Variants in ZC3HC1 observed in about 807,000 individuals in gnomAD.
The protein encoded by ZC3HC1 is zinc finger C3HC-type containing 1.
A neutral mutation model predicts 61.9 loss-of-function variants in ZC3HC1; 38 were observed. That is an observed-to-expected ratio of 0.61 (90% CI 0.47 to 0.81). ZC3HC1 has a LOEUF of 0.81. Ranked by LOEUF, ZC3HC1 falls within the 30% of genes least tolerant of loss-of-function variation. ZC3HC1 has a pLI of 0.00. For missense variants in ZC3HC1, 554 were observed against 622.7 expected, an observed-to-expected ratio of 0.89 and a Z score of 1.17; for synonymous variants, 213 against 229.9, an observed-to-expected ratio of 0.93 and a Z score of 0.67.
chr7:130,049,964 T>C (rs1584601770), intron 1 of ZC3HC1, among the ~76,000 whole-genome samples: 1 of 150,036 alleles, frequency 6.7e-6, no homozygotes, highest in Non-Finnish European at 1.5e-5. Flanking sequence ...GAATCAAAGA[T>C]CTTCGGGAGA....
At chr7:130,041,154 A>T (rs112881994) in intron 2 of ZC3HC1, 53 bp from the exon 3 acceptor site, 1 of 1,206,984 alleles carries the variant, frequency 8.3e-7, no homozygotes, top group Non-Finnish European at 1.1e-6. Flanking sequence ...ATGTGTGTGT[A>T]TGTGTGTGTG....
At chr7:130,043,328 A>G (rs1172437734) in intron 2 of ZC3HC1, 2 of 152,496 alleles carry the variant, frequency 1.3e-5, no homozygotes, top group Non-Finnish European at 2.9e-5. Flanking sequence ...ACAGTAAAAA[A>G]AAAAGGATAA....
intron 5 of ZC3HC1, among the ~76,000 whole-genome samples, chr7:130,027,891 G>A (rs1307375162): frequency 3.3e-5 from 5 of 151,848 alleles, no homozygotes; most frequent in Admixed American, 1.3e-4. Context: ...AATGATGGCC[G>A]GGTGTGGTGG....
chr7:130,034,175 C>CTT (rs769356635), intron 4 of ZC3HC1, among the ~76,000 whole-genome samples: 9 of 139,838 alleles, frequency 6.4e-5, no homozygotes, highest in East Asian at 2.0e-4. Context: ...CTTTCATTTC[C>CTT]TTTTTTTTTT....
At chr7:130,031,842 T>C (rs2116707598) in intron 4 of ZC3HC1, among the ~76,000 whole-genome samples, 1 of 152,086 alleles carries the variant, frequency 6.6e-6, no homozygotes, top group Middle Eastern at 3.4e-3. Context: ...GAAGGTGTGC[T>C]CCCCCCACCA....
Position 130,023,580 on chromosome 7 carries a change from A to G in ZC3HC1, c.1164T>C (p.Pro388=). The change falls in exon 8 of 10, where the codon CCT becomes CCC. Residue 388 remains proline, a synonymous_variant. Coordinates refer to ENST00000358303, the MANE Select transcript of ZC3HC1 (RefSeq NM_016478.5). The surrounding 1 kb of genome is among the most constrained non-coding windows in gnomAD (Gnocchi z 4.2). The part of the protein sequence containing the change: ...VTRSMGTGDT[P]GLEVPSSPLR... ...GAGGGCTAGATGGTACCTCCAGGCC[A>G]GGGGTGTCTCCTGTTCCCATGCTTC... The G allele has an allele frequency of 6.2e-7, 1 of 1,614,122 alleles. No homozygotes were observed. Among genetic ancestry groups the G allele is most frequent in the Non-Finnish European group, 8.5e-7 (1 of 1,180,020 alleles).
intron 4 of ZC3HC1, among the ~76,000 whole-genome samples, chr7:130,035,769 A>C (rs893530350): frequency 1.3e-5 from 2 of 152,164 alleles, no homozygotes; most frequent in African/African-American, 4.8e-5. Flanking sequence ...GGTGTGAGCC[A>C]TCACGCCTCG....
At position 130,023,540 on chromosome 7, in the gene ZC3HC1, G is replaced by A. The variant is rs762917735; in HGVS notation, c.1204C>T (p.Arg402Ter). The A allele has an allele frequency of 1.5e-5, 24 of 1,614,076 alleles. No homozygotes were observed. Among genetic ancestry groups the A allele is most frequent in the Non-Finnish European group, 1.6e-5 (19 of 1,180,050 alleles). Residue 402 changes from arginine (R) to a stop codon, truncating the protein, a stop_gained, in exon 8 of 10, where the codon CGA becomes TGA. Transcript: ENST00000358303. LOFTEE classifies it high-confidence loss of function. The surrounding 1 kb of genome is among the most constrained non-coding windows in gnomAD (Gnocchi z 4.2). The part of the protein sequence containing the change: ...VPSSPLRKAK[R>*]ARLCSSSSSD... ...CTGCTGGAGGAGCAGAGGCGAGCTC[G>A]CTTGGCTTTCCGCAGAGGGCTAGAT... is the stretch of plus-strand genomic sequence containing the variant.
rs1021105196 is a variant in ZC3HC1 at position 130,028,992 on chromosome 7, A to G, written c.531T>C (p.Ile177=). ...AACGATCTAGGAATTCACTAACAAGAATAGCAGGCTCATCCAGGGGCAACA... is the reference window on the plus strand; with the variant it reads ...AACGATCTAGGAATTCACTAACAAGGATAGCAGGCTCATCCAGGGGCAACA... ...FGMLPLDEPA[I]LVSEFLDRFQ... The change falls in exon 5 of 10, where the codon ATT becomes ATC. Residue 177 remains isoleucine (I), a synonymous_variant. Transcript: ENST00000358303. 1.2e-6 allele frequency: 2 copies of G among 1,613,768 alleles called. No individual in the cohort carries two copies. Among genetic ancestry groups the G allele is most frequent in the Non-Finnish European group, 1.7e-6 (2 of 1,179,770 alleles).
intron 1 of ZC3HC1, 79 bp downstream of exon 1, chr7:130,051,142 C>G (rs1226313031): frequency 7.3e-6 from 11 of 1,508,412 alleles, no homozygotes; most frequent in Admixed American, 2.5e-5. Flanking sequence ...CCGAGGGGAA[C>G]CTCCCCCAAC....
At chr7:130,051,144 T>TCC in intron 1 of ZC3HC1, 77 bp downstream of exon 1, 1 of 1,511,998 alleles carries the variant, frequency 6.6e-7, no homozygotes, top group South Asian at 1.4e-5. Context: ...GAGGGGAACC[T>TCC]CCCCCAACCC....
intron 9 of ZC3HC1, 118 bp from the exon 10 acceptor site, chr7:130,018,850 T>C (rs902921952): frequency 2.5e-5 from 21 of 836,392 alleles, no homozygotes; most frequent in Non-Finnish European, 3.7e-5. Context: ...CATTTTGTAG[T>C]ATGCTATACA....
intron 3 of ZC3HC1, 76 bp downstream of exon 3, chr7:130,040,875 T>G (rs576421461): frequency 2.1e-6 from 3 of 1,411,012 alleles, no homozygotes; most frequent in Non-Finnish European, 2.8e-6. Flanking sequence ...TAAAATGACC[T>G]TTTTTCCCCC....
chr7:130,040,287 G>T (rs1794597046), intron 3 of ZC3HC1, among the ~76,000 whole-genome samples: 1 of 145,082 alleles, frequency 6.9e-6, no homozygotes, highest in African/African-American at 2.5e-5. Context: ...AAGGTCAGGA[G>T]ATCAAGACCA....
chr7:130,041,145 T>TA (rs760235009), intron 2 of ZC3HC1, 44 bp from the exon 3 acceptor site: 2 of 1,347,526 alleles, frequency 1.5e-6, no homozygotes, highest in Non-Finnish European at 9.9e-7. Context: ...TATATATATA[T>TA]GTGTGTGTAT....
chr7:130,040,903 GTATATAT>G (rs763587884), intron 3 of ZC3HC1, 41 bp downstream of exon 3: 4 of 1,538,260 alleles, frequency 2.6e-6, no homozygotes, highest in Admixed American at 4.3e-5. Context: ...AACCAGGATA[GTATATAT>G]TTGAGTGTGG....
chr7:130,024,607 A>G, intron 6 of ZC3HC1, 101 bp from the exon 7 acceptor site: 1 of 1,331,568 alleles, frequency 7.5e-7, no homozygotes, highest in South Asian at 1.5e-5. Flanking sequence ...AATTTCTGGA[A>G]CAGTCACCAT....
chr7:130,037,986 C>T (rs901584641), intron 4 of ZC3HC1, among the ~76,000 whole-genome samples: 1 of 152,180 alleles, frequency 6.6e-6, no homozygotes, highest in Non-Finnish European at 1.5e-5. Flanking sequence ...GAGATGAGGT[C>T]TTACTATATT....
chr7:130,049,986 A>G (rs190130161), intron 1 of ZC3HC1, among the ~76,000 whole-genome samples: 5 of 152,310 alleles, frequency 3.3e-5, no homozygotes, highest in Admixed American at 2.0e-4. Flanking sequence ...TTCATGAAAA[A>G]AAAATCAGGG....
Sources: gnomAD v4.1 joint callset for allele counts (sites outside exome capture counted in the v4.1 genomes callset) on GRCh38, gnomAD v4.1.1 for gene constraint, Gnocchi (gnomAD v3.1) non-coding constraint, MANE v1.5 for transcripts, NCBI Gene and HGNC (gene_info 2026-07-23, HGNC 2026-07-21) for gene names.